Variants in ACSS3 observed in about 807,000 individuals in gnomAD.
ACSS3 encodes the protein acyl-CoA synthetase short chain family member 3.
ACSS3 carries 64 observed loss-of-function variants against 84.2 expected under a neutral mutation model. The observed-to-expected ratio is 0.76, with a 90% CI of 0.62 to 0.94. The LOEUF (loss-of-function observed/expected upper bound fraction) is 0.94, where lower values mean the gene tolerates loss of function less well. Among genes scored for constraint, ACSS3 ranks in the 40% least tolerant of loss-of-function variants. ACSS3 has a pLI of 0.00. For missense variants in ACSS3, 815 were observed against 867.6 expected (o/e 0.94, Z 0.76); for synonymous variants, 317 against 310.1 (o/e 1.02, Z -0.23).
intron 5 of ACSS3, among the ~76,000 whole-genome samples, chr12:81,144,373 C>T (rs111583775): frequency 6.6e-6 from 1 of 152,162 alleles, no homozygotes; most frequent in African/African-American, 2.4e-5. Flanking sequence ...AGAATTGAAG[C>T]CTTATGATTT....
At chr12:81,248,215 A>G (rs191706981) in intron 13 of ACSS3, among the ~76,000 whole-genome samples, 43 of 152,184 alleles carry the variant, frequency 2.8e-4, no homozygotes, top group African/African-American at 1.0e-3. Flanking sequence ...TATTTATCCA[A>G]AGGAAAATAA....
At chr12:81,198,598 A>C (rs1255454776) in intron 8 of ACSS3, among the ~76,000 whole-genome samples, 1 of 151,570 alleles carries the variant, frequency 6.6e-6, no homozygotes, top group Non-Finnish European at 1.5e-5. Flanking sequence ...AAAATGAAAA[A>C]AAAAAAACCC....
chr12:81,161,226 TCTC>T (rs1451693932), intron 7 of ACSS3, among the ~76,000 whole-genome samples: 6 of 152,146 alleles, frequency 3.9e-5, no homozygotes, highest in African/African-American at 1.4e-4. Context: ...GCCCATTAAT[TCTC>T]CTCTCAGCAC....
At chr12:81,193,468 A>G (rs1440254155) in intron 8 of ACSS3, among the ~76,000 whole-genome samples, 1 of 152,004 alleles carries the variant, frequency 6.6e-6, no homozygotes, top group Non-Finnish European at 1.5e-5. Context: ...CCTTTTGCTT[A>G]ATTTTCAGCT....
chr12:81,096,848 ATTTTC>A (rs2121379274), intron 1 of ACSS3, among the ~76,000 whole-genome samples: 2 of 151,980 alleles, frequency 1.3e-5, no homozygotes, highest in East Asian at 3.9e-4. Context: ...TATGTGCCAC[ATTTTC>A]TTTATCCAGT....
At chr12:81,254,822 G>A in intron 15 of ACSS3, 35 bp from the exon 16 acceptor site, 1 of 1,497,492 alleles carries the variant, frequency 6.7e-7, no homozygotes, top group Non-Finnish European at 9.2e-7. Flanking sequence ...GAAATTCAAG[G>A]AAGAGTATTC....
intron 7 of ACSS3, among the ~76,000 whole-genome samples, chr12:81,169,445 G>C (rs897597523): frequency 4.6e-5 from 7 of 151,986 alleles, no homozygotes; most frequent in African/African-American, 1.7e-4. Flanking sequence ...GAAAGAAAAG[G>C]CCCATTTTTG....
intron 7 of ACSS3, among the ~76,000 whole-genome samples, chr12:81,156,709 G>A (rs1437853111): frequency 1.3e-5 from 2 of 151,980 alleles, no homozygotes; most frequent in Non-Finnish European, 2.9e-5. Context: ...AGATGAAATA[G>A]ACTAATTCCT....
chr12:81,248,938 A>G (rs1185643914), intron 13 of ACSS3, among the ~76,000 whole-genome samples: 1 of 152,010 alleles, frequency 6.6e-6, no homozygotes, highest in Non-Finnish European at 1.5e-5. Context: ...TATTACACCA[A>G]AAATATTTCA....
rs2136058928 is a variant in ACSS3, at chr12:81,260,047, A to T, written c.*5125A>T. The T allele has an allele frequency of 6.3e-6, 1 of 159,388 alleles. No homozygotes were observed. Among genetic ancestry groups the T allele is most frequent in the East Asian group, 1.8e-4 (1 of 5,626 alleles). 9.9% of individuals were successfully genotyped at this position (159,388 alleles called of 1,614,324 possible). On this transcript the variant is annotated 3_prime_UTR_variant, in exon 16 of 16. Transcript: ENST00000548058. ...ATATATTTTAGAGTTCTTAAAAAAT[A>T]CCTTTATTTGTTACAAAAACATAAC...
chr12:81,083,410 T>G (rs1454319774), intron 1 of ACSS3, among the ~76,000 whole-genome samples: 1 of 145,454 alleles, frequency 6.9e-6, no homozygotes, highest in East Asian at 2.0e-4. Flanking sequence ...CAGCCTGGAG[T>G]GCAATGGCAT....
chr12:81,199,063 C>T (rs1018118884), intron 8 of ACSS3, among the ~76,000 whole-genome samples: 2 of 152,110 alleles, frequency 1.3e-5, no homozygotes, highest in African/African-American at 4.8e-5. Flanking sequence ...CATGGCAGAT[C>T]GATTACAGAG....
chr12:81,171,666 T>G (rs2030053857), intron 7 of ACSS3, among the ~76,000 whole-genome samples: 1 of 152,054 alleles, frequency 6.6e-6, no homozygotes, highest in Non-Finnish European at 1.5e-5. Context: ...TGGTACAGAG[T>G]CAGACTTGCA....
At chr12:81,147,729 G>A (rs1431793837) in intron 5 of ACSS3, among the ~76,000 whole-genome samples, 2 of 152,038 alleles carry the variant, frequency 1.3e-5, no homozygotes, top group African/African-American at 4.8e-5. Flanking sequence ...TAGTGCTGAC[G>A]TGTTAGATCT....
At chr12:81,252,212 C>T (rs2034175924) in intron 13 of ACSS3, among the ~76,000 whole-genome samples, 1 of 152,062 alleles carries the variant, frequency 6.6e-6, no homozygotes, top group African/African-American at 2.4e-5. Flanking sequence ...AAATTGGTTG[C>T]TTTTGCTGTA....
intron 2 of ACSS3, among the ~76,000 whole-genome samples, chr12:81,131,673 A>T (rs1885513742): frequency 1.3e-5 from 2 of 152,124 alleles, no homozygotes; most frequent in South Asian, 4.1e-4. Context: ...GTTGAATAGG[A>T]GTGGTGAGAG....
intron 1 of ACSS3, among the ~76,000 whole-genome samples, chr12:81,101,115 A>G (rs17736095): frequency 0.35 from 53,345 of 152,020 alleles, 11,870 homozygotes; most frequent in Non-Finnish European, 0.5. Flanking sequence ...CAAAATTTTT[A>G]TGGCCCAGAT....
At chr12:81,096,825 A>G (rs1048872593) in intron 1 of ACSS3, among the ~76,000 whole-genome samples, 2 of 152,118 alleles carry the variant, frequency 1.3e-5, no homozygotes, top group Admixed American at 6.5e-5. Context: ...GCTGCATGGT[A>G]TTCCATGGTG....
At chr12:81,212,064 C>T (rs2032614318) in intron 9 of ACSS3, among the ~76,000 whole-genome samples, 1 of 152,146 alleles carries the variant, frequency 6.6e-6, no homozygotes, top group African/African-American at 2.4e-5. Context: ...TAAATGTCAC[C>T]TTCTCAGGGA....
Sources: allele counts gnomAD v4.1 joint callset (sites outside exome capture counted in the v4.1 genomes callset), GRCh38; gene constraint gnomAD v4.1.1; transcripts MANE v1.5; gene names NCBI Gene and HGNC (gene_info 2026-07-23, HGNC 2026-07-21).